The following TBX2 variants were observed in gnomAD, a reference collection of about 807,000 sequenced individuals.
The protein encoded by TBX2 is T-box transcription factor 2.
A neutral mutation model predicts 48.4 loss-of-function variants in TBX2; 19 were observed. The observed-to-expected ratio is 0.39, with a 90% CI of 0.27 to 0.58. The LOEUF (loss-of-function observed/expected upper bound fraction) is 0.58, where lower values mean the gene tolerates loss of function less well. Ranked by LOEUF, TBX2 falls within the 20% of genes least tolerant of loss-of-function variation. TBX2 has a pLI of 0.54. For missense variants in TBX2, 994 were observed against 1,006.5 expected, an observed-to-expected ratio of 0.99 and a Z score of 0.17; for synonymous variants, 522 against 459.7, an observed-to-expected ratio of 1.14 and a Z score of -1.73.
At position 61,405,836 on chromosome 17, in the gene TBX2, G is replaced by A; in HGVS notation, c.1686G>A (p.Gln562=). ...TCTCCCAGCACATGCTGGCATCTCA[G>A]GTAAGGCCTGTGACCCCGCGGCAGC... ...FHLSQHMLAS[Q]GIPMPTFGGL... Residue 562 remains glutamine (Q), a splice_region_variant and synonymous_variant, in exon 6 of 7, where the codon CAG becomes CAA. Transcript: ENST00000240328. 7.6e-7 allele frequency: 1 copy of A among 1,310,118 alleles called. No homozygotes were observed. The highest frequency in any genetic ancestry group is 9.7e-7 in the Non-Finnish European group (1 of 1,035,964). The allele number at this position is 1,310,118 out of a possible 1,614,324, so 81.2% of individuals were successfully genotyped here.
In TBX2 at chr17:61,400,616, G is replaced by T. The variant is rs1379958469; in HGVS notation, c.395+45G>T. On this transcript the variant is annotated intron_variant, in intron 1 of 6. Transcript: ENST00000240328. This position sits in a 1 kb window ranked among gnomAD's most constrained non-coding sequence, Gnocchi z 9.2. ...GGAAGGCGCGCGGGCGGGCGGGCGG[G>T]CTGGGGCACGGGACTGCACGGATCA... 2 of 1,158,906 alleles carry T rather than the reference G, an allele frequency of 1.7e-6. No homozygotes were observed. The highest frequency in any genetic ancestry group is 1.5e-5 in the African/African-American group (1 of 65,086). 71.8% of individuals were successfully genotyped at this position (1,158,906 alleles called of 1,614,324 possible).
At chr17:61,407,873 G>A in intron 6 of TBX2, 181 bp from the exon 7 acceptor site, 1 of 697,234 alleles carries the variant, frequency 1.4e-6, no homozygotes, top group Admixed American at 3.1e-5. Flanking sequence ...CCTTCTAACT[G>A]GGTTTGGCCA....
intron 1 of TBX2, 49 bp from the exon 2 acceptor site, chr17:61,401,635 C>T (rs1245005914): frequency 1.9e-6 from 3 of 1,575,066 alleles, no homozygotes; most frequent in Non-Finnish European, 2.6e-6. Context: ...GGTCCTGGAA[C>T]CTAGAACAGC....
rs145103918 is a variant in TBX2 at position 61,407,020 on chromosome 17, C to T, written c.1687-1034C>T. On this transcript the variant is annotated intron_variant, in intron 6 of 6. Transcript: ENST00000240328. ...CTAGACACAGCCTGGCCAACAGGTGCATGACCCGGGTGAGAATACCAGCAC... is the reference window on the plus strand; with the variant it reads ...CTAGACACAGCCTGGCCAACAGGTGTATGACCCGGGTGAGAATACCAGCAC... The T allele has an allele frequency of 5.8e-3, 887 of 152,274 alleles. 6 individuals are homozygous for T. The highest frequency in any genetic ancestry group is 9.6e-3 in the Non-Finnish European group (651 of 68,040). The allele number at this position is 152,274 out of a possible 1,614,324, so 9.4% of individuals were successfully genotyped here.
At position 61,401,814 on chromosome 17, in the gene TBX2, G is replaced by T; in HGVS notation, c.526G>T (p.Gly176Cys). 6.2e-7 allele frequency: 1 copy of T among 1,613,134 alleles called. No homozygotes were observed. Residue 176 changes from glycine to cysteine, a missense_variant, in exon 2 of 7, where the codon GGC becomes TGC. Physicochemically the swap from Gly to Cys is radical, Grantham distance 159. This residue lies in a region of TBX2 where 153 missense variants were observed against 166.2 expected (regional missense o/e 0.92). Coordinates refer to ENST00000240328, the MANE Select transcript of TBX2 (RefSeq NM_005994.4). ...CCACAACTCGCGCTGGATGGTGGCG[G>T]GCAAGGCCGACCCTGAGATGCCCAA... ...KFHNSRWMVA[G>C]KADPEMPKRM... is the part of the protein sequence containing the mutation.
intron 2 of TBX2, among the ~76,000 whole-genome samples, chr17:61,402,478 G>A (rs907831369): frequency 6.9e-6 from 1 of 145,860 alleles, no homozygotes; most frequent in African/African-American, 2.5e-5. Context: ...CAACTAGGAG[G>A]AGAGGGTTTG....
chr17:61,408,667 C>A lies in TBX2; in HGVS notation c.*161C>A. The A allele has an allele frequency of 1.6e-6, 1 of 627,436 alleles. No homozygotes were observed. Among genetic ancestry groups the A allele is most frequent in the Non-Finnish European group, 2.4e-6 (1 of 412,156 alleles). 38.9% of individuals were successfully genotyped at this position (627,436 alleles called of 1,614,324 possible). A position where few individuals can be genotyped will look rare whatever the true frequency, so the allele number is the denominator to read the frequency against. The stretch of plus-strand genomic sequence containing the variant: ...TCGTCTGGCAAGTCGGGGCCTGGGA[C>A]ACTTCCCTGGGCCTCAACAAGGATC... On this transcript the variant is annotated 3_prime_UTR_variant, in exon 7 of 7. Coordinates refer to ENST00000240328, the MANE Select transcript of TBX2 (RefSeq NM_005994.4).
At chr17:61,401,536 T>C in intron 1 of TBX2, 148 bp from the exon 2 acceptor site, 24 of 1,145,240 alleles carry the variant, frequency 2.1e-5, no homozygotes, top group Non-Finnish European at 2.6e-5. Flanking sequence ...GTCCGGGCAG[T>C]GATGAGAGGG....
chr17:61,402,968 G>GAGAGAGAGAGAGAGAGAGAGAGAGAA, intron 2 of TBX2, 93 bp from the exon 3 acceptor site: 1 of 185,024 alleles, frequency 5.4e-6, no homozygotes, highest in Non-Finnish European at 8.9e-6. Context: ...GAGAGAGAGA[G>GAGAGAGAGAGAGAGAGAGAGAGAGAA]AGAAAGTGGA....
At position 61,400,834 on chromosome 17, in the gene TBX2, G is replaced by T. The variant is rs1569014502; in HGVS notation, c.395+263G>T. On this transcript the variant is annotated intron_variant, in intron 1 of 6. Coordinates refer to ENST00000240328, the MANE Select transcript of TBX2 (RefSeq NM_005994.4). The surrounding 1 kb of genome is among the most constrained non-coding windows in gnomAD (Gnocchi z 9.2). ...ATACTGCTAAAGAATAGCCCCAACC[G>T]TTCTGAGTCCCAGCGCAGAGGAGGC... Among the ~76,000 whole-genome samples, 1 of 152,150 alleles carries T rather than the reference G, an allele frequency of 6.6e-6. No homozygotes were observed.
rs1291342713 is a variant in TBX2, at chr17:61,400,227, C to T, written c.51C>T (p.His17=). The change falls in exon 1 of 7, where the codon CAC becomes CAT. Residue 17 remains histidine, a synonymous_variant. Transcript: ENST00000240328. The surrounding 1 kb of genome is among the most constrained non-coding windows in gnomAD (Gnocchi z 9.2). ...AASAMAYHPF[H]APRPADFPMS... ...GCGCCATGGCTTACCACCCGTTCCACGCGCCACGGCCCGCCGACTTCCCCA... is the reference window on the plus strand; with the variant it reads ...GCGCCATGGCTTACCACCCGTTCCATGCGCCACGGCCCGCCGACTTCCCCA... The T allele has an allele frequency of 1.6e-6, 2 of 1,219,970 alleles. No individual in the cohort carries two copies. Among genetic ancestry groups the T allele is most frequent in the South Asian group, 1.5e-5 (1 of 66,368 alleles). 75.6% of individuals were successfully genotyped at this position (1,219,970 alleles called of 1,614,324 possible).
chr17:61,405,695 G>A lies in TBX2; in HGVS notation c.1545G>A (p.Val515=). 7.2e-7 allele frequency: 1 copy of A among 1,380,024 alleles called. No homozygotes were observed. The highest frequency in any genetic ancestry group is 3.6e-5 in the Admixed American group (1 of 27,492). 85.5% of individuals were successfully genotyped at this position (1,380,024 alleles called of 1,614,324 possible). ...AMGMGHLLAS[V]AGGGNGGGGG... ...GCATGGGTCACCTACTGGCCTCGGT[G>A]GCAGGCGGCGGCAACGGCGGAGGTG... is the stretch of plus-strand genomic sequence containing the variant. The change falls in exon 6 of 7, where the codon GTG becomes GTA. Residue 515 remains valine, a synonymous_variant. Coordinates refer to ENST00000240328, the MANE Select transcript of TBX2 (RefSeq NM_005994.4).
rs201348033 is a variant in TBX2 at position 61,404,807 on chromosome 17, GC to G, written c.1051+39del. On this transcript the variant is annotated intron_variant, in intron 5 of 6. Transcript: ENST00000240328. ...CCGGAGGAGGGACAGGGAGGTGGCG[GC>G]GGGGGGTCCTCAGGTCGCTGGGCTG... 1.1e-3 allele frequency: 1,666 copies of G among 1,530,320 alleles called. 3 individuals carry two copies. Among genetic ancestry groups the G allele is most frequent in the Non-Finnish European group, 1.3e-3 (1,450 of 1,141,284 alleles). The allele number at this position is 1,530,320 out of a possible 1,614,324, so 94.8% of individuals were successfully genotyped here.
Position 61,405,737 on chromosome 17 carries a change from C to G in TBX2, c.1587C>G (p.Ala529=), listed in dbSNP as rs767626404. 1.5e-5 allele frequency: 21 copies of G among 1,361,638 alleles called. No homozygotes were observed. The highest frequency in any genetic ancestry group is 1.8e-5 in the South Asian group (1 of 56,676). 84.3% of individuals were successfully genotyped at this position (1,361,638 alleles called of 1,614,324 possible). ...GCGGAGGTGGCGGGCCTGGGACCGCCGCGGGGCTGGACGCAGGCGGGCTGG... is the reference window on the plus strand; with the variant it reads ...GCGGAGGTGGCGGGCCTGGGACCGCGGCGGGGCTGGACGCAGGCGGGCTGG... ...GNGGGGGPGT[A]AGLDAGGLGP... The change falls in exon 6 of 7, where the codon GCC becomes GCG. Residue 529 remains alanine, a synonymous_variant. Coordinates refer to ENST00000240328, the MANE Select transcript of TBX2 (RefSeq NM_005994.4).
chr17:61,404,787 G>A lies in TBX2; in HGVS notation c.1051+18G>A. ...GGCCCGAGGTGAGGGTCGGACCGGA[G>A]GAGGGACAGGGAGGTGGCGGCGGGG... On this transcript the variant is annotated intron_variant, in intron 5 of 6. Transcript: ENST00000240328. 1 of 1,517,858 alleles carries A rather than the reference G, an allele frequency of 6.6e-7. No individual in the cohort carries two copies. The highest frequency in any genetic ancestry group is 8.8e-7 in the Non-Finnish European group (1 of 1,133,436). The allele number at this position is 1,517,858 out of a possible 1,614,324, so 94.0% of individuals were successfully genotyped here. A position where few individuals can be genotyped will look rare whatever the true frequency, so the allele number is the denominator to read the frequency against.
intron 6 of TBX2, chr17:61,407,632 G>A (rs1442525510): frequency 1.2e-5 from 2 of 168,416 alleles, no homozygotes; most frequent in Non-Finnish European, 2.5e-5. Context: ...CTGCCCTTCA[G>A]AGCCTGCAGA....
rs1379875556 is a variant in TBX2, at chr17:61,400,253, T to A, written c.77T>A (p.Met26Lys). 3 of 1,204,390 alleles carry A rather than the reference T, an allele frequency of 2.5e-6. No individual in the cohort carries two copies. The highest frequency in any genetic ancestry group is 3.3e-5 in the African/African-American group (2 of 61,482). 74.6% of individuals were successfully genotyped at this position (1,204,390 alleles called of 1,614,324 possible). ...GCGCCACGGCCCGCCGACTTCCCCA[T>A]GTCCGCCTTTCTGGCGGCGGCGCAG... ...FHAPRPADFP[M>K]SAFLAAAQPS... The change falls in exon 1 of 7, where the codon ATG becomes AAG. Residue 26 changes from methionine to lysine, a missense_variant. Transcript: ENST00000240328. The surrounding 1 kb of genome is among the most constrained non-coding windows in gnomAD (Gnocchi z 9.2).
rs2060290921 is a variant in TBX2 at position 61,406,771 on chromosome 17, C to T, written c.1686+935C>T. The T allele has an allele frequency of 6.6e-6, 1 of 151,398 alleles. No homozygotes were observed. Among genetic ancestry groups the T allele is most frequent in the African/African-American group, 2.5e-5 (1 of 40,706 alleles). 9.4% of individuals were successfully genotyped at this position (151,398 alleles called of 1,614,324 possible). On this transcript the variant is annotated intron_variant, in intron 6 of 6. Transcript: ENST00000240328. This position sits in a 1 kb window ranked among gnomAD's most constrained non-coding sequence, Gnocchi z 5.7. Reference sequence around the variant, plus strand: ...GTGGGGGGTTGGGAGGCAGGCGATTCTGAAATGAGTTTTACACACAGCTCA... The same window carrying T: ...GTGGGGGGTTGGGAGGCAGGCGATTTTGAAATGAGTTTTACACACAGCTCA...
rs2060272747 is a variant in TBX2 at position 61,403,272 on chromosome 17, C to A, written c.810+65C>A. The A allele has an allele frequency of 6.3e-7, 1 of 1,579,596 alleles. No individual in the cohort carries two copies. On this transcript the variant is annotated intron_variant, in intron 3 of 6. Coordinates refer to ENST00000240328, the MANE Select transcript of TBX2 (RefSeq NM_005994.4). This position sits in a 1 kb window ranked among gnomAD's most constrained non-coding sequence, Gnocchi z 5.8. ...GCCCCTCAACACGTGCAGGCCCAAC[C>A]GTCCGTTCATCGCCCCTCGAAGCCC...
Sources: allele counts gnomAD v4.1 joint callset (sites outside exome capture counted in the v4.1 genomes callset), GRCh38; gene constraint gnomAD v4.1.1; regional missense constraint gnomAD v4.1.1; non-coding constraint Gnocchi (gnomAD v3.1); transcripts MANE v1.5; gene names NCBI Gene and HGNC (gene_info 2026-07-23, HGNC 2026-07-21).